ZNF618: variants seen among roughly 807,000 people sequenced by gnomAD.
ZNF618 encodes the protein zinc finger protein 618.
In ZNF618, 34 loss-of-function variants were observed where a neutral mutation model predicts 103.0. The ratio of observed to expected loss-of-function variants is 0.33; its 90% CI spans 0.25 to 0.44. The LOEUF (loss-of-function observed/expected upper bound fraction) is 0.44. Among genes scored for constraint, ZNF618 ranks in the 20% least tolerant of loss-of-function variants. The pLI is 1.00. For missense variants in ZNF618, 1,059 were observed against 1,295.4 expected (o/e 0.82, Z 2.80); for synonymous variants, 551 against 542.2 (o/e 1.02, Z -0.23).
Position 114,054,923 on chromosome 9 carries a change from C to G in ZNF618, c.*4756C>G, listed in dbSNP as rs1447719016. The G allele has an allele frequency of 1.3e-5, 2 of 149,778 alleles. No individual in the cohort carries two copies. The highest frequency in any genetic ancestry group is 2.1e-4 in the East Asian group (1 of 4,764). 9.3% of individuals were successfully genotyped at this position (149,778 alleles called of 1,614,324 possible). A position where few individuals can be genotyped will look rare whatever the true frequency, so the allele number is the denominator to read the frequency against. On this transcript the variant is annotated 3_prime_UTR_variant, in exon 15 of 15. Coordinates refer to ENST00000374126, the MANE Select transcript of ZNF618 (RefSeq NM_001318042.2). ...CAGGTCACTGTTTGACATATTCATG[C>G]CCCGTCCCTTCCCCCCCCACCCCCC...
rs139374338 is a variant in ZNF618, at chr9:114,047,764, G to T, written c.1247-129G>T. 1,764 of 700,870 alleles carry T rather than the reference G, an allele frequency of 2.5e-3. 39 individuals are homozygous for T. Among genetic ancestry groups the T allele is most frequent in the South Asian group, 0.025 (1,294 of 52,404 alleles). 43.4% of individuals were successfully genotyped at this position (700,870 alleles called of 1,614,324 possible). A position where few individuals can be genotyped will look rare whatever the true frequency, so the allele number is the denominator to read the frequency against. On this transcript the variant is annotated intron_variant, in intron 13 of 14. Coordinates refer to ENST00000374126, the MANE Select transcript of ZNF618 (RefSeq NM_001318042.2). Reference sequence around the variant, plus strand: ...TAGATAGTTGTCTAAGGAGGAGCCAGGATTTTAACCCAGGCCTGAGTCCCA... The same window carrying T: ...TAGATAGTTGTCTAAGGAGGAGCCATGATTTTAACCCAGGCCTGAGTCCCA...
At chr9:113,993,136 G>A (rs568718758) in intron 3 of ZNF618, among the ~76,000 whole-genome samples, 1 of 152,336 alleles carries the variant, frequency 6.6e-6, no homozygotes, top group East Asian at 1.9e-4. Flanking sequence ...CTGTACAGCA[G>A]CCCCAAGAAG....
At chr9:113,994,622 C>T (rs556560531) in intron 3 of ZNF618, among the ~76,000 whole-genome samples, 5 of 152,170 alleles carry the variant, frequency 3.3e-5, no homozygotes, top group Non-Finnish European at 7.4e-5. Context: ...AAGTCTGCCC[C>T]TCTTTCCAGT....
chr9:114,003,582 G>T (rs1308223670), intron 6 of ZNF618, among the ~76,000 whole-genome samples: 1 of 152,226 alleles, frequency 6.6e-6, no homozygotes, highest in East Asian at 1.9e-4. Flanking sequence ...AAACAATGGT[G>T]AGCAAAAGAG....
intron 1 of ZNF618, among the ~76,000 whole-genome samples, chr9:113,888,309 G>A (rs1024905368): frequency 4.6e-5 from 7 of 152,240 alleles, no homozygotes; most frequent in Admixed American, 6.5e-5. Flanking sequence ...GAGCCATGGC[G>A]TCTGGGGAAG....
intron 1 of ZNF618, among the ~76,000 whole-genome samples, chr9:113,927,359 C>T (rs1284200390): frequency 1.3e-5 from 2 of 152,172 alleles, no homozygotes; most frequent in Non-Finnish European, 2.9e-5. Context: ...GTTTTTGTCT[C>T]ACCTGTTGTC....
chr9:114,035,532 C>T (rs773056076), intron 12 of ZNF618, among the ~76,000 whole-genome samples: 3 of 152,172 alleles, frequency 2.0e-5, no homozygotes, highest in Non-Finnish European at 2.9e-5. Flanking sequence ...ACACCTCTTC[C>T]GAGCCCCATC....
chr9:113,979,665 C>A (rs980590574), intron 2 of ZNF618, among the ~76,000 whole-genome samples: 1 of 152,240 alleles, frequency 6.6e-6, no homozygotes, highest in African/African-American at 2.4e-5. Context: ...TGGCATTGAC[C>A]TTTCCTGGGC....
Position 113,907,707 on chromosome 9 carries a change from T to C in ZNF618, c.33+31294T>C, listed in dbSNP as rs564453803. On this transcript the variant is annotated intron_variant, in intron 1 of 14. Coordinates refer to ENST00000374126, the MANE Select transcript of ZNF618 (RefSeq NM_001318042.2). ...CTGTAGACTGGTGTTTCTGCATCGCTGGGAGGTACAGTTGAATGTCTAACC... is the reference window on the plus strand; with the variant it reads ...CTGTAGACTGGTGTTTCTGCATCGCCGGGAGGTACAGTTGAATGTCTAACC... Among the ~76,000 whole-genome samples the C allele has an allele frequency of 2.0e-3, 309 of 152,292 alleles. 1 individual carries two copies. Among genetic ancestry groups the C allele is most frequent in the African/African-American group, 7.1e-3 (295 of 41,546 alleles).
At chr9:113,957,097 T>C (rs1836383188) in intron 1 of ZNF618, among the ~76,000 whole-genome samples, 1 of 152,206 alleles carries the variant, frequency 6.6e-6, no homozygotes, top group South Asian at 2.1e-4. Flanking sequence ...GTAGATACTA[T>C]GCTGGGAACT....
At chr9:113,986,513 G>A (rs770785504) in intron 2 of ZNF618, among the ~76,000 whole-genome samples, 4 of 152,202 alleles carry the variant, frequency 2.6e-5, no homozygotes, top group Non-Finnish European at 4.4e-5. Context: ...TTGGGTTCTG[G>A]TGAGGGCTGC....
intron 1 of ZNF618, among the ~76,000 whole-genome samples, chr9:113,881,870 G>T (rs1208512947): frequency 6.6e-6 from 1 of 152,194 alleles, no homozygotes; most frequent in Non-Finnish European, 1.5e-5. Context: ...TTCTGCCAGG[G>T]TTAGGCCACT....
At chr9:113,914,443 A>G (rs570438630) in intron 1 of ZNF618, among the ~76,000 whole-genome samples, 224 of 152,316 alleles carry the variant, frequency 1.5e-3, no homozygotes, top group African/African-American at 5.1e-3. Context: ...GCACTGAAGC[A>G]GAAGAACCCA....
At chr9:113,999,193 G>T (rs1840922619) in intron 4 of ZNF618, among the ~76,000 whole-genome samples, 1 of 152,114 alleles carries the variant, frequency 6.6e-6, no homozygotes, top group African/African-American at 2.4e-5. Flanking sequence ...GGCTGAGCGA[G>T]GCGCAGGTGG....
chr9:113,954,189 T>C (rs1836033767), intron 1 of ZNF618, among the ~76,000 whole-genome samples: 3 of 152,144 alleles, frequency 2.0e-5, no homozygotes, highest in African/African-American at 7.2e-5. Flanking sequence ...TGGAAAGTTC[T>C]AGGGCTCTAG....
At chr9:113,976,408 T>C (rs1838471041) in intron 2 of ZNF618, among the ~76,000 whole-genome samples, 2 of 152,214 alleles carry the variant, frequency 1.3e-5, no homozygotes, top group Non-Finnish European at 2.9e-5. Context: ...TAGTTGCTTC[T>C]TGAGGCCTTT....
intron 1 of ZNF618, among the ~76,000 whole-genome samples, chr9:113,946,398 CAAAAA>C (rs58064458): frequency 8.7e-6 from 1 of 114,880 alleles, no homozygotes; most frequent in African/African-American, 3.5e-5. Context: ...GGGAAGTCTT[CAAAAA>C]AAAAAAAAAA....
chr9:113,928,002 A>G (rs1025564576), intron 1 of ZNF618, among the ~76,000 whole-genome samples: 1 of 152,156 alleles, frequency 6.6e-6, no homozygotes, highest in African/African-American at 2.4e-5. Flanking sequence ...AAAGTTGTTT[A>G]GTTTCAGTTT....
intron 1 of ZNF618, among the ~76,000 whole-genome samples, chr9:113,900,693 C>T (rs576577405): frequency 6.8e-6 from 1 of 147,268 alleles, no homozygotes; most frequent in Non-Finnish European, 1.5e-5. Flanking sequence ...GACCTGCTGT[C>T]TCCTAGCACC....
Sources: allele counts gnomAD v4.1 joint callset (sites outside exome capture counted in the v4.1 genomes callset), GRCh38; gene constraint gnomAD v4.1.1; transcripts MANE v1.5; gene names NCBI Gene and HGNC (gene_info 2026-07-23, HGNC 2026-07-21).